Variants in RAB33B observed in about 807,000 individuals in gnomAD.
RAB33B encodes the protein ras-related protein Rab-33B.
RAB33B carries 6 observed loss-of-function variants against 15.0 expected under a neutral mutation model. The observed-to-expected ratio is 0.40, with a 90% confidence interval of 0.22 to 0.79. The LOEUF is 0.79. RAB33B is among the 30% of genes least tolerant of loss of function. The pLI, the probability that RAB33B is intolerant of heterozygous loss-of-function variation, is 0.37. For synonymous variants in RAB33B, 117 were observed against 108.3 expected (o/e 1.08, Z -0.50); for missense variants, 257 against 296.4 (o/e 0.87, Z 0.98).
At chr4:139,462,318 G>T (rs34782030) in intron 1 of RAB33B, among the ~76,000 whole-genome samples, 40,273 of 151,906 alleles carry the variant, frequency 0.27, 5,713 homozygotes, top group African/African-American at 0.36. Flanking sequence ...CTCCCAAAGT[G>T]CTGGGATTAC....
At position 139,467,308 on chromosome 4, in the gene RAB33B, C is replaced by CTTTTT. The variant is rs70943422; in HGVS notation, c.250-5353_250-5349dup. 9.6e-4 allele frequency among the ~76,000 whole-genome samples: 17 copies of CTTTTT among 17,622 alleles called. 2 individuals are homozygous for CTTTTT. The highest frequency in any genetic ancestry group is 5.1e-3 in the Admixed American group (3 of 590). 11.6% of individuals were successfully genotyped at this position (17,622 alleles called of 152,430 possible). A position where few individuals can be genotyped will look rare whatever the true frequency, so the allele number is the denominator to read the frequency against. On this transcript the variant is annotated intron_variant, in intron 1 of 1. Coordinates refer to ENST00000305626, the MANE Select transcript of RAB33B (RefSeq NM_031296.3). ...TCTTTCCCCACCACGCCCCCCGCCG[C>CTTTTT]TTTTTTTTTTTTTTTTTTTTTTTTT... is the stretch of plus-strand genomic sequence containing the variant.
chr4:139,464,384 C>CTTTTTT (rs772760480), intron 1 of RAB33B, among the ~76,000 whole-genome samples: 1 of 69,544 alleles, frequency 1.4e-5, no homozygotes, highest in Non-Finnish European at 3.1e-5. Flanking sequence ...AAGAGGAATA[C>CTTTTTT]TGTTTTTTTT....
intron 1 of RAB33B, among the ~76,000 whole-genome samples, chr4:139,466,860 G>C (rs1264569859): frequency 6.6e-6 from 1 of 151,568 alleles, no homozygotes; most frequent in Non-Finnish European, 1.5e-5. Flanking sequence ...GATTACAGGC[G>C]TGAGCCACCA....
At chr4:139,455,378 C>A (rs1750049983) in intron 1 of RAB33B, among the ~76,000 whole-genome samples, 1 of 152,158 alleles carries the variant, frequency 6.6e-6, no homozygotes. Context: ...CAGCGATCGT[C>A]TTTATCTCAG....
chr4:139,456,658 CTGAGATCAT>C (rs968291307), intron 1 of RAB33B, among the ~76,000 whole-genome samples: 10 of 152,190 alleles, frequency 6.6e-5, no homozygotes, highest in African/African-American at 2.4e-4. Context: ...GACTTGAATA[CTGAGATCAT>C]TTTTCTTCTA....
At chr4:139,447,658 CTTT>C in the RAB33B span, among the ~76,000 whole-genome samples, 52 of 85,712 alleles carry the variant, frequency 6.1e-4, no homozygotes, top group African/African-American at 1.4e-3. Flanking sequence ...CAGTCTACTA[CTTT>C]TTTTTTTTTT....
intron 1 of RAB33B, among the ~76,000 whole-genome samples, chr4:139,456,405 C>T (rs1437534366): frequency 6.6e-6 from 1 of 152,138 alleles, no homozygotes; most frequent in Non-Finnish European, 1.5e-5. Context: ...TTAAAGATAA[C>T]AGATGAATCA....
Position 139,473,300 on chromosome 4 carries a change from CAG to C in RAB33B, c.*175_*176del. 1 of 625,348 alleles carries C rather than the reference CAG, an allele frequency of 1.6e-6. No individual in the cohort carries two copies. Among genetic ancestry groups the C allele is most frequent in the Non-Finnish European group, 2.6e-6 (1 of 383,652 alleles). The allele number at this position is 625,348 out of a possible 1,614,324, so 38.7% of individuals were successfully genotyped here. On this transcript the variant is annotated 3_prime_UTR_variant, in exon 2 of 2. Transcript: ENST00000305626. ...ACTTAAGTTTGTCACTGTGACAACA[CAG>C]GAAAAGTTGGTTTTCAGGTGAGATT... is the stretch of plus-strand genomic sequence containing the variant.
intron 1 of RAB33B, among the ~76,000 whole-genome samples, chr4:139,472,312 G>T (rs895296317): frequency 6.6e-6 from 1 of 152,078 alleles, no homozygotes. Flanking sequence ...ACTAGTGAAA[G>T]GTAAAGAGGG....
the RAB33B span, among the ~76,000 whole-genome samples, chr4:139,443,677 G>T: frequency 1.3e-5 from 2 of 152,182 alleles, no homozygotes; most frequent in Non-Finnish European, 2.9e-5. Context: ...GGCATTGATT[G>T]GAAAAGAATG....
upstream of RAB33B, chr4:139,452,438 C>A (rs1213487367): frequency 6.6e-6 from 1 of 152,108 alleles, no homozygotes; most frequent in South Asian, 2.1e-4. Flanking sequence ...TGAAATTCTC[C>A]CATTAACCAC....
At chr4:139,457,596 C>T (rs1579173887) in intron 1 of RAB33B, among the ~76,000 whole-genome samples, 1 of 152,156 alleles carries the variant, frequency 6.6e-6, no homozygotes, top group East Asian at 1.9e-4. Flanking sequence ...GGACCTCTCC[C>T]CACACTGGTA....
At chr4:139,471,085 A>C (rs1750380474) in intron 1 of RAB33B, among the ~76,000 whole-genome samples, 2 of 151,974 alleles carry the variant, frequency 1.3e-5, no homozygotes. Flanking sequence ...GCCCCAGCGC[A>C]CTGTCTCTGG....
At chr4:139,448,295 T>C (rs1013592188), upstream of RAB33B, 4 of 152,228 alleles carry the variant, frequency 2.6e-5, no homozygotes, top group African/African-American at 7.2e-5. Flanking sequence ...GAATGGGTAG[T>C]AGAAGGCTAG....
At chr4:139,454,099 C>G (rs551015649), upstream of RAB33B, 14 of 1,419,192 alleles carry the variant, frequency 9.9e-6, no homozygotes, top group African/African-American at 1.3e-4. Flanking sequence ...GTTGCGCAGC[C>G]GAACTGGCCG....
At chr4:139,449,242 G>A (rs899607267), upstream of RAB33B, 3 of 152,190 alleles carry the variant, frequency 2.0e-5, no homozygotes, top group African/African-American at 7.2e-5. Flanking sequence ...TTGGGTTGGG[G>A]ACTGGTGTGT....
chr4:139,446,084 G>C, the RAB33B span, among the ~76,000 whole-genome samples: 2 of 152,170 alleles, frequency 1.3e-5, no homozygotes, highest in Non-Finnish European at 2.9e-5. Flanking sequence ...ATCATCAAAT[G>C]GAAGTGGTAT....
the RAB33B span, among the ~76,000 whole-genome samples, chr4:139,446,294 T>C: frequency 1.1e-3 from 163 of 152,284 alleles, no homozygotes; most frequent in Non-Finnish European, 1.7e-3. Flanking sequence ...CTGCACGATA[T>C]GTAGGCACTA....
At chr4:139,447,956 C>T in the RAB33B span, among the ~76,000 whole-genome samples, 18 of 151,204 alleles carry the variant, frequency 1.2e-4, no homozygotes, top group African/African-American at 4.1e-4. Context: ...TGTGAGCCAC[C>T]GCGCCCGGCC....
Sources: allele counts gnomAD v4.1 joint callset (sites outside exome capture counted in the v4.1 genomes callset), GRCh38; gene constraint gnomAD v4.1.1; transcripts MANE v1.5; gene names NCBI Gene and HGNC (gene_info 2026-07-23, HGNC 2026-07-21).